Variants in TMEM179B observed in about 807,000 individuals in gnomAD.
The protein encoded by TMEM179B is transmembrane protein 179B.
TMEM179B carries 13 observed loss-of-function variants against 18.0 expected under a neutral mutation model. The ratio of observed to expected loss-of-function variants is 0.72; its 90% CI spans 0.47 to 1.15. The LOEUF is 1.15. Among genes scored for constraint, TMEM179B ranks in the 50% most tolerant of loss-of-function variants. The pLI is 0.00. For missense variants in TMEM179B, 320 were observed against 270.6 expected (o/e 1.18, Z -1.28); for synonymous variants, 159 against 117.5 (o/e 1.35, Z -2.29).
At position 62,789,144 on chromosome 11, in the gene TMEM179B, T is replaced by C. The variant is rs879276284; in HGVS notation, c.218T>C (p.Leu73Ser). 1.7e-5 allele frequency: 28 copies of C among 1,614,082 alleles called. No individual in the cohort carries two copies. Among genetic ancestry groups the C allele is most frequent in the Non-Finnish European group, 2.4e-5 (28 of 1,180,032 alleles). ...TTTGTAGCTGGGGCCTCTGGCCTCT[T>C]GGCCCTCTACTGCCTCCTGCTTTTG... ...CYFVAGASGL[L>S]ALYCLLLLLF... Residue 73 changes from leucine to serine, a missense_variant, in exon 2 of 5, where the codon TTG becomes TCG. By Grantham distance (145) the Leu-to-Ser change is moderately radical (BLOSUM62 -2). Transcript: ENST00000333449.
Position 62,789,977 on chromosome 11 carries a change from T to G in TMEM179B, c.590T>G (p.Leu197Arg), listed in dbSNP as rs2084339400. 6 of 1,614,156 alleles carry G rather than the reference T, an allele frequency of 3.7e-6. No individual in the cohort carries two copies. The highest frequency in any genetic ancestry group is 5.1e-6 in the Non-Finnish European group (6 of 1,180,016). Reference protein sequence around the residue: ...WKSEATPYRPLERGDPEWSSE... With the variant: ...WKSEATPYRPRERGDPEWSSE... The stretch of plus-strand genomic sequence containing the variant: ...TCTGAAGCCACCCCATACCGGCCTC[T>G]GGAGAGGGGTGACCCTGAGTGGAGC... The change falls in exon 5 of 5, where the codon CTG (leucine) becomes CGG (arginine). Residue 197 changes from leucine (L) to arginine (R), a missense_variant. Physicochemically the swap from Leu to Arg is moderately radical, Grantham distance 102 (BLOSUM62 -2). Coordinates refer to ENST00000333449, the MANE Select transcript of TMEM179B (RefSeq NM_199337.3).
Position 62,790,058 on chromosome 11 carries a change from G to A in TMEM179B, c.*11G>A. 1 of 1,599,368 alleles carries A rather than the reference G, an allele frequency of 6.3e-7. No homozygotes were observed. The highest frequency in any genetic ancestry group is 8.5e-7 in the Non-Finnish European group (1 of 1,171,796). ...CTTTCCCATTCCTGAAGAATAAGCG[G>A]AGTGCTTCCTGCAGCCGAAGACTCC... On this transcript the variant is annotated 3_prime_UTR_variant, in exon 5 of 5. Coordinates refer to ENST00000333449, the MANE Select transcript of TMEM179B (RefSeq NM_199337.3).
In TMEM179B at chr11:62,789,362, T is replaced by C. The variant is rs775772085; in HGVS notation, c.355T>C (p.Cys119Arg). 1.9e-6 allele frequency: 3 copies of C among 1,613,966 alleles called. No individual in the cohort carries two copies. Among genetic ancestry groups the C allele is most frequent in the Non-Finnish European group, 1.7e-6 (2 of 1,180,002 alleles). The change falls in exon 3 of 5, where the codon TGT becomes CGT. Residue 119 changes from cysteine to arginine, a missense_variant. By Grantham distance (180) the Cys-to-Arg change is radical (BLOSUM62 -3). Transcript: ENST00000333449. ...IAVFLVLVSA[C>R]ILRFGTRSLC... ...CGTCTTCCTGGTCTTGGTGTCTGCC[T>C]GTATCCTTCGATTTGGCACCAGGTC...
chr11:62,787,445 G>T lies in TMEM179B; in HGVS notation c.14G>T (p.Trp5Leu). 2 of 1,568,922 alleles carry T rather than the reference G, an allele frequency of 1.3e-6. No individual in the cohort carries two copies. The highest frequency in any genetic ancestry group is 1.7e-6 in the Non-Finnish European group (2 of 1,164,484). The change falls in exon 1 of 5, where the codon TGG becomes TTG. Residue 5 changes from tryptophan to leucine, a missense_variant. Physicochemically the swap from Trp to Leu is moderately conservative, Grantham distance 61. Transcript: ENST00000333449. ...GGTCAGGGCGCCATGGCGCTGTCCTGGCTGCAGCGCGTCGAGCTTGCGCTC... is the reference window on the plus strand; with the variant it reads ...GGTCAGGGCGCCATGGCGCTGTCCTTGCTGCAGCGCGTCGAGCTTGCGCTC... MALSWLQRVELALFA... is the reference protein window; with the variant it reads MALSLLQRVELALFA...
chr11:62,789,539 C>T, intron 3 of TMEM179B, 62 bp from the exon 4 acceptor site: 1 of 1,571,380 alleles, frequency 6.4e-7, no homozygotes, highest in East Asian at 2.2e-5. Context: ...GGGCACTGGG[C>T]ACAGGTGTGC....
Position 62,789,197 on chromosome 11 carries a change from G to A in TMEM179B, c.271G>A (p.Glu91Lys), listed in dbSNP as rs750132097. ...CTTCTGGATCTACAGCAGCTGCATC[G>A]AGGACTCCCACAGGTGACTGCCTAA... is the stretch of plus-strand genomic sequence containing the variant. ...LLFWIYSSCI[E>K]DSHRGAIGLR... The change falls in exon 2 of 5, where the codon GAG becomes AAG. Residue 91 changes from glutamate to lysine, a missense_variant. By Grantham distance (56) the Glu-to-Lys change is moderately conservative (BLOSUM62 1). Coordinates refer to ENST00000333449, the MANE Select transcript of TMEM179B (RefSeq NM_199337.3). 7 of 1,614,148 alleles carry A rather than the reference G, an allele frequency of 4.3e-6. No homozygotes were observed. In the South Asian group the frequency reaches 4.4e-5, roughly 10 times the overall value.
chr11:62,789,048 T>C lies in TMEM179B; in HGVS notation c.122T>C (p.Leu41Pro). The change falls in exon 2 of 5, where the codon CTG (leucine) becomes CCG (proline). Residue 41 changes from leucine (L) to proline (P), a missense_variant. Physicochemically the swap from Leu to Pro is moderately conservative, Grantham distance 98. Transcript: ENST00000333449. Reference sequence around the variant, plus strand: ...GGCTCCTTCAGTGGTAGATGTCCCCTGTATGGTGTGGCCACCCTGAATGGC... The same window carrying C: ...GGCTCCTTCAGTGGTAGATGTCCCCCGTATGGTGTGGCCACCCTGAATGGC... ...TQGSFSGRCPLYGVATLNGSS... is the reference protein window; with the variant it reads ...TQGSFSGRCPPYGVATLNGSS... 1.2e-6 allele frequency: 2 copies of C among 1,614,108 alleles called. No homozygotes were observed. Among genetic ancestry groups the C allele is most frequent in the Non-Finnish European group, 1.7e-6 (2 of 1,179,966 alleles).
chr11:62,790,324 G>A lies in TMEM179B; in HGVS notation c.*277G>A. ...CTAAGCAGACATGGACTGAAACTTA[G>A]AGGTACTGTTAGGCAGCTGCCCTAG... On this transcript the variant is annotated 3_prime_UTR_variant, in exon 5 of 5. Coordinates refer to ENST00000333449, the MANE Select transcript of TMEM179B (RefSeq NM_199337.3). 1 of 541,466 alleles carries A rather than the reference G, an allele frequency of 1.8e-6. No homozygotes were observed. Among genetic ancestry groups the A allele is most frequent in the East Asian group, 3.1e-5 (1 of 32,000 alleles). The allele number at this position is 541,466 out of a possible 1,614,324, so 33.5% of individuals were successfully genotyped here.
Position 62,790,136 on chromosome 11 carries a change from C to A in TMEM179B, c.*89C>A. 4.9e-5 allele frequency: 42 copies of A among 860,182 alleles called. No individual in the cohort carries two copies. The highest frequency in any genetic ancestry group is 4.1e-4 in the Middle Eastern group (1 of 2,436). The allele number at this position is 860,182 out of a possible 1,614,324, so 53.3% of individuals were successfully genotyped here. On this transcript the variant is annotated 3_prime_UTR_variant, in exon 5 of 5. Coordinates refer to ENST00000333449, the MANE Select transcript of TMEM179B (RefSeq NM_199337.3). Reference sequence around the variant, plus strand: ...TCAAGGCCCTGTTTATGTTGGGAGTCTTAGTTTTCCTTTCGTTGGGGGGTG... The same window carrying A: ...TCAAGGCCCTGTTTATGTTGGGAGTATTAGTTTTCCTTTCGTTGGGGGGTG...
chr11:62,788,829 T>G (rs890282977), intron 1 of TMEM179B, among the ~76,000 whole-genome samples, 194 bp from the exon 2 acceptor site: 1 of 152,230 alleles, frequency 6.6e-6, no homozygotes. Context: ...TTTCTGATCC[T>G]TCTGGCCACT....
intron 2 of TMEM179B, 40 bp downstream of exon 2, chr11:62,789,250 T>C (rs1316738061): frequency 6.2e-7 from 1 of 1,613,942 alleles, no homozygotes; most frequent in East Asian, 2.2e-5. Context: ...TGAGGTAGGA[T>C]GAGCCTCACC....
At chr11:62,789,725 C>T (rs202082969) in intron 4 of TMEM179B, 46 bp downstream of exon 4, 21 of 1,519,030 alleles carry the variant, frequency 1.4e-5, no homozygotes, top group Admixed American at 6.5e-5. Context: ...ATATCTGTAG[C>T]TGTGTGGGTG....
Position 62,787,438 on chromosome 11 carries a change from C to G in TMEM179B, c.7C>G (p.Leu3Val), listed in dbSNP as rs779096208. The G allele has an allele frequency of 6.4e-7, 1 of 1,564,654 alleles. No homozygotes were observed. Among genetic ancestry groups the G allele is most frequent in the East Asian group, 2.3e-5 (1 of 42,714 alleles). The change falls in exon 1 of 5, where the codon CTG becomes GTG. Residue 3 changes from leucine (L) to valine (V), a missense_variant. Transcript: ENST00000333449. ...TCCTGGTGGTCAGGGCGCCATGGCG[C>G]TGTCCTGGCTGCAGCGCGTCGAGCT... MA[L>V]SWLQRVELAL...
Position 62,787,488 on chromosome 11 carries a change from G to A in TMEM179B, c.57G>A (p.Leu19=). 1.3e-6 allele frequency: 2 copies of A among 1,579,912 alleles called. No individual in the cohort carries two copies. The highest frequency in any genetic ancestry group is 2.7e-5 in the African/African-American group (2 of 74,348). ...TTGCGCTCTTTGCTGCCGCCTTCCT[G>A]TGCGGGGCCGTGGCGGCCGCGGCGA... ...VELALFAAAF[L]CGAVAAAAMT... Residue 19 remains leucine, a synonymous_variant, in exon 1 of 5, where the codon CTG becomes CTA. Transcript: ENST00000333449.
chr11:62,787,699 G>A, intron 1 of TMEM179B, 172 bp downstream of exon 1: 1 of 827,414 alleles, frequency 1.2e-6, no homozygotes, highest in Non-Finnish European at 1.8e-6. Context: ...GCGCTTTGTG[G>A]CTCCTCCTGG....
Position 62,790,185 on chromosome 11 carries a change from C to T in TMEM179B, c.*138C>T, listed in dbSNP as rs1264907065. On this transcript the variant is annotated 3_prime_UTR_variant, in exon 5 of 5. Coordinates refer to ENST00000333449, the MANE Select transcript of TMEM179B (RefSeq NM_199337.3). ...TGGGGGGGAAACATAATGACAGGCCCCCCTCCACCTCTTCCTGCAGCTGTT... is the reference window on the plus strand; with the variant it reads ...TGGGGGGGAAACATAATGACAGGCCTCCCTCCACCTCTTCCTGCAGCTGTT... 1.1e-6 allele frequency: 1 copy of T among 914,756 alleles called. No homozygotes were observed. The highest frequency in any genetic ancestry group is 1.9e-5 in the South Asian group (1 of 53,182). The allele number at this position is 914,756 out of a possible 1,614,324, so 56.7% of individuals were successfully genotyped here. A position where few individuals can be genotyped will look rare whatever the true frequency, so the allele number is the denominator to read the frequency against.
intron 1 of TMEM179B, chr11:62,787,954 A>C: frequency 2.1e-6 from 1 of 478,520 alleles, no homozygotes; most frequent in South Asian, 1.5e-5. Context: ...ACAGTGTGTT[A>C]AATGACAAAA....
intron 1 of TMEM179B, 53 bp downstream of exon 1, chr11:62,787,580 T>A: frequency 6.8e-7 from 1 of 1,466,020 alleles, no homozygotes; most frequent in Admixed American, 2.5e-5. Context: ...GGTCTGGACA[T>A]GGCGAGGCCA....
chr11:62,789,015 C>T lies in TMEM179B; in HGVS notation c.97-8C>T, dbSNP rs1432363871. 3 of 1,606,390 alleles carry T rather than the reference C, an allele frequency of 1.9e-6. No homozygotes were observed. The highest frequency in any genetic ancestry group is 1.1e-5 in the South Asian group (1 of 90,736). On this transcript the variant is annotated splice_region_variant and splice_polypyrimidine_tract_variant and intron_variant, in intron 1 of 4. Coordinates refer to ENST00000333449, the MANE Select transcript of TMEM179B (RefSeq NM_199337.3). ...TGAAATCTAGGACTCAGCAGCTTCTCTCCACAGGGCTCCTTCAGTGGTAGA... is the reference window on the plus strand; with the variant it reads ...TGAAATCTAGGACTCAGCAGCTTCTTTCCACAGGGCTCCTTCAGTGGTAGA...
Sources: gnomAD v4.1 joint callset for allele counts (sites outside exome capture counted in the v4.1 genomes callset) on GRCh38, gnomAD v4.1.1 for gene constraint, MANE v1.5 for transcripts, NCBI Gene and HGNC (gene_info 2026-07-23, HGNC 2026-07-21) for gene names.